The following STXBP5L variants were observed in gnomAD, a reference collection of about 807,000 sequenced individuals.
STXBP5L encodes syntaxin-binding protein 5-like.
A neutral mutation model predicts 144.5 loss-of-function variants in STXBP5L; 65 were observed. That is an observed-to-expected ratio of 0.45 (90% confidence interval 0.37 to 0.55). The LOEUF is 0.55. Ranked by LOEUF, STXBP5L falls within the 20% of genes least tolerant of loss-of-function variation. The pLI is 0.00. For synonymous variants in STXBP5L, 505 were observed against 469.6 expected, an observed-to-expected ratio of 1.08 and a Z score of -0.97; for missense variants, 1,298 against 1,405.5, an observed-to-expected ratio of 0.92 and a Z score of 1.22.
chr3:121,015,763 T>C (rs977843120), intron 3 of STXBP5L, among the ~76,000 whole-genome samples: 1 of 152,150 alleles, frequency 6.6e-6, no homozygotes, highest in African/African-American at 2.4e-5. Flanking sequence ...ACTAGAGCCT[T>C]ATCCAAGGTA....
At chr3:121,173,895 ACTT>A (rs140015617) in intron 9 of STXBP5L, among the ~76,000 whole-genome samples, 15,026 of 151,936 alleles carry the variant, frequency 0.099, 1,151 homozygotes, top group Admixed American at 0.2. Flanking sequence ...CAGTAGTGGC[ACTT>A]TGTATGGGTT....
chr3:120,945,297 A>G (rs1710787639), intron 2 of STXBP5L, among the ~76,000 whole-genome samples: 1 of 151,810 alleles, frequency 6.6e-6, no homozygotes, highest in Admixed American at 6.6e-5. Flanking sequence ...TTTACTGGCA[A>G]ATCTTCTACC....
chr3:121,106,487 C>A (rs1219564605), intron 5 of STXBP5L, among the ~76,000 whole-genome samples: 3 of 152,154 alleles, frequency 2.0e-5, no homozygotes, highest in Admixed American at 1.3e-4. Context: ...TAAGTGAGAA[C>A]ATGCGGTGTT....
intron 20 of STXBP5L, among the ~76,000 whole-genome samples, chr3:121,359,445 A>G (rs1220677576): frequency 1.3e-5 from 2 of 151,896 alleles, no homozygotes; most frequent in East Asian, 1.9e-4. Flanking sequence ...TGCTGTGCTG[A>G]GTTTTTTAAC....
intron 22 of STXBP5L, among the ~76,000 whole-genome samples, chr3:121,402,681 A>AT (rs1323091865): frequency 6.6e-6 from 1 of 152,170 alleles, no homozygotes; most frequent in Non-Finnish European, 1.5e-5. Context: ...AAAGTGTCTC[A>AT]TTTTACCATA....
intron 20 of STXBP5L, among the ~76,000 whole-genome samples, chr3:121,325,070 C>G (rs1232354297): frequency 6.6e-6 from 1 of 151,872 alleles, no homozygotes; most frequent in Non-Finnish European, 1.5e-5. Context: ...AAGGAAGGTC[C>G]TATAATCTAA....
At chr3:121,265,843 A>G (rs2050545858) in intron 18 of STXBP5L, among the ~76,000 whole-genome samples, 1 of 151,320 alleles carries the variant, frequency 6.6e-6, no homozygotes, top group Admixed American at 6.6e-5. Flanking sequence ...ACTATAAACT[A>G]GTATTTCTAG....
At chr3:121,204,292 A>G (rs189490314) in intron 9 of STXBP5L, among the ~76,000 whole-genome samples, 69 of 152,276 alleles carry the variant, frequency 4.5e-4, no homozygotes, top group African/African-American at 1.6e-3. Flanking sequence ...TTCTCTTTCT[A>G]AGACATCATG....
At chr3:121,101,835 T>C (rs1289532309) in intron 5 of STXBP5L, among the ~76,000 whole-genome samples, 1 of 152,026 alleles carries the variant, frequency 6.6e-6, no homozygotes, top group Non-Finnish European at 1.5e-5. Context: ...TAGAAAACCC[T>C]AAAGACTCCA....
At chr3:121,354,215 A>T (rs1486691762) in intron 20 of STXBP5L, among the ~76,000 whole-genome samples, 1 of 152,188 alleles carries the variant, frequency 6.6e-6, no homozygotes, top group Admixed American at 6.5e-5. Context: ...TGCAGAGCTG[A>T]GTTCAAGTCC....
chr3:121,391,806 A>T (rs111943540), intron 22 of STXBP5L, among the ~76,000 whole-genome samples: 1 of 152,028 alleles, frequency 6.6e-6, no homozygotes, highest in African/African-American at 2.4e-5. Context: ...CACCTATATG[A>T]GGTGCCTGGC....
chr3:121,394,230 A>C (rs1331160308), intron 22 of STXBP5L, among the ~76,000 whole-genome samples: 2 of 152,154 alleles, frequency 1.3e-5, no homozygotes, highest in Admixed American at 1.3e-4. Context: ...GATCATTATT[A>C]GTGTATAAAA....
intron 5 of STXBP5L, among the ~76,000 whole-genome samples, chr3:121,053,286 C>G (rs1470537862): frequency 2.6e-5 from 4 of 152,166 alleles, no homozygotes; most frequent in Admixed American, 2.6e-4. Flanking sequence ...ATTGCCAAGT[C>G]AATCCTAAGC....
At chr3:121,368,404 T>C (rs931529969) in intron 20 of STXBP5L, among the ~76,000 whole-genome samples, 3 of 152,090 alleles carry the variant, frequency 2.0e-5, no homozygotes, top group Non-Finnish European at 4.4e-5. Context: ...CCCATCTTTC[T>C]TTAGTTCTTT....
rs560970607 is a variant in STXBP5L at position 120,981,246 on chromosome 3, A to T, written c.287+26209A>T. Among the ~76,000 whole-genome samples, 4 of 152,286 alleles carry T rather than the reference A, an allele frequency of 2.6e-5. No homozygotes were observed. The South Asian group carries it at 8.3e-4, about 32-fold the overall frequency. On this transcript the variant is annotated intron_variant, in intron 3 of 26. Transcript: ENST00000471454. Reference sequence around the variant, plus strand: ...CTGACTTTCTTGTATGTGAATGTCAAATCTCTAGCAAAACCAGGGAAGTTT... The same window carrying T: ...CTGACTTTCTTGTATGTGAATGTCATATCTCTAGCAAAACCAGGGAAGTTT...
At chr3:121,310,018 T>C (rs898314952) in intron 19 of STXBP5L, among the ~76,000 whole-genome samples, 1 of 152,132 alleles carries the variant, frequency 6.6e-6, no homozygotes, top group Non-Finnish European at 1.5e-5. Flanking sequence ...CAGTAATAGA[T>C]CCACACATGT....
intron 7 of STXBP5L, among the ~76,000 whole-genome samples, chr3:121,147,937 C>T (rs2045777128): frequency 6.6e-6 from 1 of 152,104 alleles, no homozygotes; most frequent in Non-Finnish European, 1.5e-5. Flanking sequence ...TGCTGACCTT[C>T]AGACTGGAAC....
intron 20 of STXBP5L, among the ~76,000 whole-genome samples, chr3:121,367,685 G>A (rs1311278283): frequency 7.4e-6 from 1 of 135,028 alleles, no homozygotes; most frequent in African/African-American, 2.8e-5. Flanking sequence ...ATGGCTTCTA[G>A]CAGCCTTAAC....
At chr3:121,402,933 G>A (rs566524366) in intron 22 of STXBP5L, among the ~76,000 whole-genome samples, 1 of 152,168 alleles carries the variant, frequency 6.6e-6, no homozygotes, top group Admixed American at 6.5e-5. Flanking sequence ...AGACTCAAAC[G>A]ATCCTCCCAT....
Sources: allele counts gnomAD v4.1 joint callset (sites outside exome capture counted in the v4.1 genomes callset), GRCh38; gene constraint gnomAD v4.1.1; transcripts MANE v1.5; gene names NCBI Gene and HGNC (gene_info 2026-07-23, HGNC 2026-07-21).